WWOX: variants seen among roughly 807,000 people sequenced by gnomAD.
WWOX encodes the protein WW domain-containing oxidoreductase.
WWOX carries 69 observed loss-of-function variants against 46.2 expected under a neutral mutation model. That is an observed-to-expected ratio of 1.49 (90% CI 1.23 to 1.82). WWOX has a LOEUF of 1.82. Among genes scored for constraint, WWOX ranks in the 40% most tolerant of loss-of-function variants. WWOX has a pLI of 0.00. For synonymous variants in WWOX, 359 were observed against 202.6 expected (o/e 1.77, Z -6.56); for missense variants, 919 against 542.6 (o/e 1.69, Z -6.89).
At chr16:78,798,127 C>T (rs1479422767) in intron 8 of WWOX, among the ~76,000 whole-genome samples, 2 of 152,118 alleles carry the variant, frequency 1.3e-5, no homozygotes, top group Non-Finnish European at 2.9e-5. Context: ...ATATAGGGAG[C>T]AAAGGACAGA....
At chr16:78,327,429 C>T (rs1288275233) in intron 5 of WWOX, among the ~76,000 whole-genome samples, 2 of 152,138 alleles carry the variant, frequency 1.3e-5, no homozygotes, top group African/African-American at 4.8e-5. Context: ...CCCCAGTACC[C>T]TCAGTGTGGA....
In WWOX at chr16:79,199,901, G is replaced by A. The variant is rs533821040; in HGVS notation, c.1057-11707G>A. Among the ~76,000 whole-genome samples the A allele has an allele frequency of 4.3e-4, 66 of 152,256 alleles. 1 individual carries two copies. In the South Asian group the frequency reaches 0.014, roughly 32 times the overall value. ...ACAGGTATGGCAGCCAGAGGGCAGG[G>A]GCAGGGAGAAGAATAAGATGTTCCT... On this transcript the variant is annotated intron_variant, in intron 8 of 8. Transcript: ENST00000566780.
At chr16:79,112,062 TC>T (rs1448669276) in intron 8 of WWOX, among the ~76,000 whole-genome samples, 3 of 152,094 alleles carry the variant, frequency 2.0e-5, no homozygotes, top group African/African-American at 7.2e-5. Flanking sequence ...ACTTGCCTGA[TC>T]CCCAGGGCTG....
intron 8 of WWOX, among the ~76,000 whole-genome samples, chr16:78,742,877 G>A (rs751826728): frequency 1.3e-5 from 2 of 152,164 alleles, no homozygotes; most frequent in African/African-American, 4.8e-5. Flanking sequence ...GCTTCCCAGT[G>A]TAGGGTCTGG....
At chr16:78,680,933 A>G (rs1042386059) in intron 8 of WWOX, among the ~76,000 whole-genome samples, 2 of 152,102 alleles carry the variant, frequency 1.3e-5, no homozygotes, top group Non-Finnish European at 2.9e-5. Flanking sequence ...TAACATAGTG[A>G]GACCCTCTGT....
At chr16:78,742,594 C>T (rs1459358060) in intron 8 of WWOX, among the ~76,000 whole-genome samples, 2 of 152,176 alleles carry the variant, frequency 1.3e-5, no homozygotes, top group Non-Finnish European at 2.9e-5. Context: ...CGATCCCCAG[C>T]GCATCACGAG....
At chr16:78,818,798 C>T (rs547961362) in intron 8 of WWOX, among the ~76,000 whole-genome samples, 1 of 152,200 alleles carries the variant, frequency 6.6e-6, no homozygotes, top group African/African-American at 2.4e-5. Context: ...GAATTGGAGC[C>T]AGTATACGTA....
At chr16:78,979,542 GCGATGGCTAAGGCTC>G (rs1025389005) in intron 8 of WWOX, among the ~76,000 whole-genome samples, 1 of 152,162 alleles carries the variant, frequency 6.6e-6, no homozygotes, top group African/African-American at 2.4e-5. Flanking sequence ...GAATCAGCTA[GCGATGGCTAAGGCTC>G]CTGTGACGGT....
chr16:79,009,474 C>T (rs1220686453), intron 8 of WWOX, among the ~76,000 whole-genome samples: 6 of 144,138 alleles, frequency 4.2e-5, no homozygotes, highest in Non-Finnish European at 7.7e-5. Flanking sequence ...ATCAAATTTT[C>T]TTTTTTTTTT....
At chr16:78,936,419 C>T (rs1465739273) in intron 8 of WWOX, among the ~76,000 whole-genome samples, 1 of 152,108 alleles carries the variant, frequency 6.6e-6, no homozygotes, top group Non-Finnish European at 1.5e-5. Flanking sequence ...GGTAAGACTT[C>T]TTACTCTCTA....
intron 8 of WWOX, among the ~76,000 whole-genome samples, chr16:79,141,687 G>C (rs560594082): frequency 6.6e-6 from 1 of 151,782 alleles, no homozygotes; most frequent in Non-Finnish European, 1.5e-5. Flanking sequence ...GTGTCCATTA[G>C]GTTGACTCTC....
intron 8 of WWOX, among the ~76,000 whole-genome samples, chr16:79,163,708 G>A (rs994128937): frequency 4.7e-5 from 7 of 149,174 alleles, no homozygotes; most frequent in Admixed American, 4.0e-4. Flanking sequence ...TGAGGCAGGA[G>A]AATCACTGGA....
chr16:78,345,999 T>G (rs1271102094), intron 5 of WWOX, among the ~76,000 whole-genome samples: 1 of 121,526 alleles, frequency 8.2e-6, no homozygotes, highest in East Asian at 1.9e-4. Context: ...CAAAAAGATT[T>G]CAAATGCCAC....
chr16:78,508,310 C>CTTTT (rs60281450), intron 8 of WWOX, among the ~76,000 whole-genome samples: 1,394 of 112,404 alleles, frequency 0.012, 110 homozygotes, highest in African/African-American at 0.018. Context: ...TGCGCCCGGC[C>CTTTT]TTTTTTTTTT....
chr16:78,602,915 A>AT (rs2045656614), intron 8 of WWOX, among the ~76,000 whole-genome samples: 1 of 152,074 alleles, frequency 6.6e-6, no homozygotes, highest in African/African-American at 2.4e-5. Flanking sequence ...TTCTGCATAC[A>AT]CTTTTTACTT....
At chr16:78,759,850 G>C (rs534242417) in intron 8 of WWOX, among the ~76,000 whole-genome samples, 1 of 152,152 alleles carries the variant, frequency 6.6e-6, no homozygotes, top group Admixed American at 6.5e-5. Context: ...TTAGGGGAGA[G>C]TCCATTCCTT....
intron 8 of WWOX, among the ~76,000 whole-genome samples, chr16:78,751,195 T>C (rs958452000): frequency 1.3e-4 from 20 of 152,082 alleles, no homozygotes; most frequent in African/African-American, 4.8e-4. Flanking sequence ...AAAAGACAGA[T>C]GTATTTAATT....
intron 5 of WWOX, among the ~76,000 whole-genome samples, chr16:78,371,451 T>C (rs1250621782): frequency 6.6e-6 from 1 of 152,208 alleles, no homozygotes; most frequent in East Asian, 1.9e-4. Context: ...TTATGTGTAG[T>C]GTTCTGTAGC....
At chr16:79,042,302 T>G (rs1469345558) in intron 8 of WWOX, among the ~76,000 whole-genome samples, 1 of 152,176 alleles carries the variant, frequency 6.6e-6, no homozygotes, top group African/African-American at 2.4e-5. Flanking sequence ...GGTGGAAACA[T>G]GCACCTTCCC....
Sources: allele counts gnomAD v4.1 joint callset (sites outside exome capture counted in the v4.1 genomes callset), GRCh38; gene constraint gnomAD v4.1.1; transcripts MANE v1.5; gene names NCBI Gene and HGNC (gene_info 2026-07-23, HGNC 2026-07-21).